CAPN2: variants seen among roughly 807,000 people sequenced by gnomAD.
CAPN2 encodes calpain-2 catalytic subunit.
Under a neutral mutation model 102.3 loss-of-function variants are expected in CAPN2, and 92 were observed. The ratio of observed to expected loss-of-function variants is 0.90; its 90% CI spans 0.76 to 1.07. The LOEUF (loss-of-function observed/expected upper bound fraction) is 1.07, where lower values mean the gene tolerates loss of function less well. Among genes scored for constraint, CAPN2 ranks in the 50% least tolerant of loss-of-function variants. CAPN2 has a pLI of 0.00. For synonymous variants in CAPN2, 340 were observed against 355.4 expected (o/e 0.96, Z 0.49); for missense variants, 800 against 909.4 (o/e 0.88, Z 1.55).
At chr1:223,743,941 C>T (rs1660685916) in intron 2 of CAPN2, among the ~76,000 whole-genome samples, 159 bp from the exon 3 acceptor site, 1 of 152,218 alleles carries the variant, frequency 6.6e-6, no homozygotes, top group African/African-American at 2.4e-5. Flanking sequence ...AGCCCCCAAA[C>T]CCTCTGACCC....
At chr1:223,760,951 C>T (rs988073271) in intron 12 of CAPN2, among the ~76,000 whole-genome samples, 6 of 152,174 alleles carry the variant, frequency 3.9e-5, no homozygotes, top group African/African-American at 1.4e-4. Flanking sequence ...AGCTTGATTA[C>T]CCTCACTATG....
chr1:223,723,425 T>C (rs1487007231), intron 2 of CAPN2, among the ~76,000 whole-genome samples: 2 of 152,192 alleles, frequency 1.3e-5, no homozygotes, highest in East Asian at 3.9e-4. Context: ...CCATTCTTTT[T>C]CTTAAAAATG....
chr1:223,774,777 T>A, intron 20 of CAPN2, 57 bp from the exon 21 acceptor site: 3 of 1,535,126 alleles, frequency 2.0e-6, no homozygotes, highest in Non-Finnish European at 2.7e-6. Flanking sequence ...GGTACTTAAA[T>A]AGCCTTTAAT....
intron 16 of CAPN2, among the ~76,000 whole-genome samples, chr1:223,768,948 GCTA>G (rs1661402562): frequency 6.6e-6 from 1 of 152,110 alleles, no homozygotes; most frequent in Admixed American, 6.5e-5. Flanking sequence ...TTAGATAAGG[GCTA>G]CTTTCATGAG....
intron 2 of CAPN2, 79 bp downstream of exon 2, chr1:223,717,910 C>T: frequency 9.6e-7 from 1 of 1,043,934 alleles, no homozygotes; most frequent in Non-Finnish European, 1.5e-6. Context: ...CAACCTGTGG[C>T]TTCTCTCCCT....
intron 2 of CAPN2, among the ~76,000 whole-genome samples, chr1:223,719,935 C>T (rs541270813): frequency 1.3e-5 from 2 of 152,296 alleles, no homozygotes; most frequent in African/African-American, 2.4e-5. Context: ...GTATACTGTA[C>T]TCTCACCCTG....
Position 223,732,705 on chromosome 1 carries a change from C to T in CAPN2, c.308-11395C>T, listed in dbSNP as rs185607322. On this transcript the variant is annotated intron_variant, in intron 2 of 20. Coordinates refer to ENST00000295006, the MANE Select transcript of CAPN2 (RefSeq NM_001748.5). ...CCCAGTAGGTCTCAGCCTCATTTTACTCAGCTCTTATTCAAGATGGAGTTG... is the reference window on the plus strand; with the variant it reads ...CCCAGTAGGTCTCAGCCTCATTTTATTCAGCTCTTATTCAAGATGGAGTTG... Among the ~76,000 whole-genome samples, 50 of 152,338 alleles carry T rather than the reference C, an allele frequency of 3.3e-4. No homozygotes were observed. In the East Asian group the frequency reaches 9.4e-3, roughly 29 times the overall value.
intron 13 of CAPN2, 139 bp downstream of exon 13, chr1:223,761,756 A>G (rs1400302275): frequency 1.4e-6 from 1 of 699,536 alleles, no homozygotes; most frequent in Non-Finnish European, 2.4e-6. Context: ...GGAATCCAAG[A>G]GTCGACTACC....
chr1:223,744,466 G>A (rs535862632), intron 3 of CAPN2, among the ~76,000 whole-genome samples: 11 of 151,968 alleles, frequency 7.2e-5, no homozygotes, highest in Non-Finnish European at 1.0e-4. Flanking sequence ...AGGTGTTCAG[G>A]AACTAATTCC....
intron 2 of CAPN2, among the ~76,000 whole-genome samples, chr1:223,718,097 G>A (rs1377944750): frequency 1.3e-5 from 2 of 152,198 alleles, no homozygotes; most frequent in Admixed American, 6.5e-5. Flanking sequence ...AGGACCAGGG[G>A]GCTTCTGGAT....
At chr1:223,766,547 C>A in intron 16 of CAPN2, 116 bp downstream of exon 16, 1 of 818,482 alleles carries the variant, frequency 1.2e-6, no homozygotes, top group South Asian at 1.5e-5. Flanking sequence ...TCCCAACTTG[C>A]TGAGTTGCTG....
rs149012171 is a variant in CAPN2, at chr1:223,727,959, C to A, written c.307+10128C>A. Among the ~76,000 whole-genome samples, 242 of 152,270 alleles carry A rather than the reference C, an allele frequency of 1.6e-3. 1 individual carries two copies. The highest frequency in any genetic ancestry group is 2.9e-3 in the Non-Finnish European group (200 of 68,022). The stretch of plus-strand genomic sequence containing the variant: ...CCAGGGTACCTTGGGAACTGCAGAG[C>A]AGCTGGGTGGCCTGACACTGGCATT... On this transcript the variant is annotated intron_variant, in intron 2 of 20. Transcript: ENST00000295006. This position sits in a 1 kb window ranked among gnomAD's most constrained non-coding sequence, Gnocchi z 4.1.
At chr1:223,758,512 A>G (rs1661095869) in intron 11 of CAPN2, 2 of 152,250 alleles carry the variant, frequency 1.3e-5, no homozygotes, top group African/African-American at 4.8e-5. Context: ...CGTAGAACCG[A>G]GCCAGGTTCC....
In CAPN2 at chr1:223,737,728, T is replaced by A. The variant is rs1189202485; in HGVS notation, c.308-6372T>A. Among the ~76,000 whole-genome samples the A allele has an allele frequency of 7.0e-4, 57 of 81,648 alleles. 2 individuals carry two copies. The highest frequency in any genetic ancestry group is 1.3e-3 in the Admixed American group (9 of 6,682). The allele number at this position is 81,648 out of a possible 152,430, so 53.6% of individuals were successfully genotyped here. ...GGGGCGGGGGGTGGGGGGGAGAGAA[T>A]ACAATAACACCATGTACTGTAAAGA... On this transcript the variant is annotated intron_variant, in intron 2 of 20. Coordinates refer to ENST00000295006, the MANE Select transcript of CAPN2 (RefSeq NM_001748.5).
At chr1:223,762,398 G>A (rs372279672) in intron 14 of CAPN2, 147 bp downstream of exon 14, 1 of 670,164 alleles carries the variant, frequency 1.5e-6, no homozygotes. Context: ...TTGGGTTCCA[G>A]CTCAGCCCTC....
chr1:223,771,741 C>A, intron 18 of CAPN2, 68 bp from the exon 19 acceptor site: 2 of 962,694 alleles, frequency 2.1e-6, no homozygotes, highest in Non-Finnish European at 3.4e-6. Flanking sequence ...AGTTTCATAG[C>A]CTGTGAGCGC....
At chr1:223,732,569 C>A (rs146086996) in intron 2 of CAPN2, among the ~76,000 whole-genome samples, 1 of 152,098 alleles carries the variant, frequency 6.6e-6, no homozygotes, top group African/African-American at 2.4e-5. Context: ...AGGTTTTGGC[C>A]GGCTTCTTTA....
rs1205221826 is a variant in CAPN2 at position 223,774,982 on chromosome 1, A to G, written c.*125A>G. On this transcript the variant is annotated 3_prime_UTR_variant, in exon 21 of 21. Transcript: ENST00000295006. ...GGAACATTTACTTAAACGGATGATC[A>G]TAGCTGAAAATAATGATACTGTCAA... 8.9e-6 allele frequency: 7 copies of G among 783,432 alleles called. No individual in the cohort carries two copies. Among genetic ancestry groups the G allele is most frequent in the Non-Finnish European group, 1.3e-5 (6 of 462,172 alleles). The allele number at this position is 783,432 out of a possible 1,614,324, so 48.5% of individuals were successfully genotyped here. A position where few individuals can be genotyped will look rare whatever the true frequency, so the allele number is the denominator to read the frequency against.
At chr1:223,706,110 G>A (rs983241389) in intron 1 of CAPN2, among the ~76,000 whole-genome samples, 6 of 152,330 alleles carry the variant, frequency 3.9e-5, no homozygotes, top group South Asian at 2.1e-4. Context: ...AGGGTGGGAT[G>A]TAATACCCTA....
Sources: allele counts gnomAD v4.1 joint callset (sites outside exome capture counted in the v4.1 genomes callset), GRCh38; gene constraint gnomAD v4.1.1; non-coding constraint Gnocchi (gnomAD v3.1); transcripts MANE v1.5; gene names NCBI Gene and HGNC (gene_info 2026-07-23, HGNC 2026-07-21).